Variants in KCNK2 observed in about 807,000 individuals in gnomAD.
The protein encoded by KCNK2 is potassium channel subfamily K member 2.
In KCNK2, 21 loss-of-function variants were observed where a neutral mutation model predicts 40.5. The observed-to-expected ratio is 0.52, with a 90% CI of 0.37 to 0.75. The LOEUF (loss-of-function observed/expected upper bound fraction) is 0.75. KCNK2 is among the 30% of genes least tolerant of loss of function. KCNK2 has a pLI of 0.00. For synonymous variants in KCNK2, 191 were observed against 202.2 expected (o/e 0.94, Z 0.47); for missense variants, 399 against 531.6 (o/e 0.75, Z 2.45).
At chr1:215,118,190 C>T (rs369323501) in intron 2 of KCNK2, among the ~76,000 whole-genome samples, 1 of 152,172 alleles carries the variant, frequency 6.6e-6, no homozygotes, top group Admixed American at 6.5e-5. Context: ...AAACAGCTCA[C>T]ATCATCTGGA....
intron 5 of KCNK2, among the ~76,000 whole-genome samples, chr1:215,177,740 A>ATATATATATATT (rs71167812): frequency 8.5e-4 from 86 of 101,574 alleles, no homozygotes; most frequent in South Asian, 1.2e-3. Flanking sequence ...ATATATATAT[A>ATATATATATATT]TTTTTTTTTT....
chr1:215,169,244 G>T lies in KCNK2; in HGVS notation c.521G>T (p.Cys174Phe). The T allele has an allele frequency of 6.2e-7, 1 of 1,612,768 alleles. No homozygotes were observed. Among genetic ancestry groups the T allele is most frequent in the Non-Finnish European group, 8.5e-7 (1 of 1,179,230 alleles). ...CGCACAGAAGGCGGCAAAATATTCTGTATCATCTATGCCTTACTGGGAATT... is the reference window on the plus strand; with the variant it reads ...CGCACAGAAGGCGGCAAAATATTCTTTATCATCTATGCCTTACTGGGAATT... ...SPRTEGGKIFCIIYALLGIPL... is the reference protein window; with the variant it reads ...SPRTEGGKIFFIIYALLGIPL... Residue 174 changes from cysteine (C) to phenylalanine (F), a missense_variant, in exon 4 of 7, where the codon TGT becomes TTT. Physicochemically the swap from Cys to Phe is radical, Grantham distance 205. Coordinates refer to ENST00000444842, the MANE Select transcript of KCNK2 (RefSeq NM_001017425.3).
At chr1:215,166,868 G>A (rs1663469610) in intron 3 of KCNK2, among the ~76,000 whole-genome samples, 1 of 152,022 alleles carries the variant, frequency 6.6e-6, no homozygotes. Context: ...AGTAAAGAAA[G>A]TGTAGGATTT....
At chr1:215,056,537 G>A in intron 1 of KCNK2, among the ~76,000 whole-genome samples, 2 of 125,716 alleles carry the variant, frequency 1.6e-5, no homozygotes, top group Admixed American at 7.9e-5. Context: ...AAGAAGGAGA[G>A]AAATGAGTTA....
chr1:215,050,060 A>G (rs1435686602), intron 1 of KCNK2, among the ~76,000 whole-genome samples: 1 of 152,202 alleles, frequency 6.6e-6, no homozygotes, highest in African/African-American at 2.4e-5. Context: ...AGATTTTGAT[A>G]AGAGTTGTAT....
chr1:215,222,148 C>G (rs752965647), intron 6 of KCNK2, among the ~76,000 whole-genome samples: 3 of 152,156 alleles, frequency 2.0e-5, no homozygotes, highest in Non-Finnish European at 4.4e-5. Context: ...CCCCATGACC[C>G]CATGACCCAA....
intron 1 of KCNK2, among the ~76,000 whole-genome samples, chr1:215,057,855 G>A (rs576173120): frequency 4.6e-5 from 7 of 152,198 alleles, no homozygotes; most frequent in South Asian, 2.1e-4. Context: ...CCCAAAGGGG[G>A]TTAATCATAT....
chr1:215,232,361 CT>C (rs923211298), intron 6 of KCNK2, among the ~76,000 whole-genome samples: 3 of 151,994 alleles, frequency 2.0e-5, no homozygotes, highest in East Asian at 1.9e-4. Context: ...ACTATAAGAC[CT>C]TTTTTTGCAA....
chr1:215,209,969 TA>T (rs1187790463), intron 6 of KCNK2, among the ~76,000 whole-genome samples: 1 of 46,930 alleles, frequency 2.1e-5, no homozygotes, highest in Non-Finnish European at 3.5e-5. Flanking sequence ...ATTTTATATA[TA>T]TTATATATAT....
chr1:215,072,771 A>G (rs1421504303), intron 1 of KCNK2, among the ~76,000 whole-genome samples: 1 of 152,194 alleles, frequency 6.6e-6, no homozygotes, highest in East Asian at 1.9e-4. Flanking sequence ...GATTTTTTGC[A>G]TACTACATGT....
chr1:215,156,061 C>CTGTGTG (rs112439818), intron 3 of KCNK2, among the ~76,000 whole-genome samples: 3,524 of 148,688 alleles, frequency 0.024, 121 homozygotes, highest in African/African-American at 0.079. Context: ...TATAGGTAGT[C>CTGTGTG]TGTGTGTGTG....
intron 6 of KCNK2, among the ~76,000 whole-genome samples, chr1:215,205,182 T>C (rs1665259943): frequency 6.6e-6 from 1 of 152,212 alleles, no homozygotes; most frequent in African/African-American, 2.4e-5. Context: ...TTGTGTTTGG[T>C]TAACCATATA....
chr1:215,076,295 G>A (rs1314513137), intron 1 of KCNK2, among the ~76,000 whole-genome samples: 2 of 152,246 alleles, frequency 1.3e-5, no homozygotes, highest in East Asian at 3.9e-4. Flanking sequence ...TAGAAAACTA[G>A]CCCAAAACTT....
At chr1:215,123,820 A>C (rs1015474870) in intron 2 of KCNK2, among the ~76,000 whole-genome samples, 1 of 151,970 alleles carries the variant, frequency 6.6e-6, no homozygotes, top group Non-Finnish European at 1.5e-5. Flanking sequence ...TCTACTGTAC[A>C]TTTTCTCCTA....
chr1:215,081,681 ACT>A (rs1297717104), upstream of KCNK2: 9 of 152,070 alleles, frequency 5.9e-5, no homozygotes, highest in African/African-American at 2.2e-4. Context: ...TGGAAGAAAA[ACT>A]CTAGCAAACA....
chr1:215,052,130 C>G (rs931515038), intron 1 of KCNK2, among the ~76,000 whole-genome samples: 4 of 151,926 alleles, frequency 2.6e-5, no homozygotes, highest in Non-Finnish European at 4.4e-5. Flanking sequence ...GAAAAATGAA[C>G]AAGTAATATA....
intron 1 of KCNK2, among the ~76,000 whole-genome samples, chr1:215,017,791 C>T (rs919309737): frequency 6.6e-6 from 1 of 152,060 alleles, no homozygotes; most frequent in Admixed American, 6.6e-5. Context: ...AGCTTTTCCA[C>T]AATGTATACA....
chr1:215,164,360 C>T (rs1461098290), intron 3 of KCNK2, among the ~76,000 whole-genome samples: 1 of 151,988 alleles, frequency 6.6e-6, no homozygotes, highest in Non-Finnish European at 1.5e-5. Context: ...TCTTTTCAAA[C>T]AACCACCTCC....
At chr1:215,042,688 C>A (rs1657609813) in intron 1 of KCNK2, among the ~76,000 whole-genome samples, 1 of 152,134 alleles carries the variant, frequency 6.6e-6, no homozygotes, top group Non-Finnish European at 1.5e-5. Flanking sequence ...CTTAGTGTCA[C>A]CTTTTACTTC....
Sources: gnomAD v4.1 joint callset for allele counts (sites outside exome capture counted in the v4.1 genomes callset) on GRCh38, gnomAD v4.1.1 for gene constraint, MANE v1.5 for transcripts, NCBI Gene and HGNC (gene_info 2026-07-23, HGNC 2026-07-21) for gene names.